TAF4B: variants seen among roughly 807,000 people sequenced by gnomAD.
The protein encoded by TAF4B is TATA-box binding protein associated factor 4b, also known as transcription initiation factor TFIID subunit 4B.
A neutral mutation model predicts 86.4 loss-of-function variants in TAF4B; 38 were observed. The ratio of observed to expected loss-of-function variants is 0.44; its 90% CI spans 0.34 to 0.58. The LOEUF (loss-of-function observed/expected upper bound fraction) is 0.58, where lower values mean the gene tolerates loss of function less well. Among genes scored for constraint, TAF4B ranks in the 20% least tolerant of loss-of-function variants. The pLI, the probability that TAF4B is intolerant of heterozygous loss-of-function variation, is 0.02. For synonymous variants in TAF4B, 388 were observed against 391.2 expected (o/e 0.99, Z 0.10); for missense variants, 988 against 1,027.6 (o/e 0.96, Z 0.53).
At chr18:26,337,573 C>G (rs868544009) in intron 13 of TAF4B, among the ~76,000 whole-genome samples, 1 of 151,948 alleles carries the variant, frequency 6.6e-6, no homozygotes, top group African/African-American at 2.4e-5. Flanking sequence ...CAGGCGCGTA[C>G]CACCGCATCC....
intron 9 of TAF4B, among the ~76,000 whole-genome samples, chr18:26,309,510 C>T (rs1370393969): frequency 6.6e-6 from 1 of 151,918 alleles, no homozygotes; most frequent in Non-Finnish European, 1.5e-5. Flanking sequence ...GTCTGAGTAA[C>T]AGATCCCATT....
intron 9 of TAF4B, chr18:26,304,978 G>A: frequency 1.3e-5 from 9 of 681,222 alleles, no homozygotes; most frequent in Non-Finnish European, 1.6e-5. Flanking sequence ...GTAATTCTTT[G>A]ATATATACAT....
chr18:26,235,078 T>A (rs545602990), intron 1 of TAF4B, among the ~76,000 whole-genome samples: 26 of 152,210 alleles, frequency 1.7e-4, no homozygotes, highest in Non-Finnish European at 1.9e-4. Flanking sequence ...CTCCAAGAGC[T>A]ATTCCCACTC....
At chr18:26,330,743 C>T (rs912877987) in intron 12 of TAF4B, among the ~76,000 whole-genome samples, 6 of 152,182 alleles carry the variant, frequency 3.9e-5, no homozygotes, top group African/African-American at 1.2e-4. Flanking sequence ...AGAGTTCCTT[C>T]TACCCTTAAT....
intron 14 of TAF4B, among the ~76,000 whole-genome samples, chr18:26,374,278 C>G (rs1157434243): frequency 6.6e-6 from 1 of 152,014 alleles, no homozygotes; most frequent in Non-Finnish European, 1.5e-5. Context: ...TTTTAAAAGG[C>G]TGTCCAGCTT....
At chr18:26,365,246 A>T (rs2057364253) in intron 14 of TAF4B, among the ~76,000 whole-genome samples, 2 of 152,068 alleles carry the variant, frequency 1.3e-5, no homozygotes, top group Non-Finnish European at 2.9e-5. Flanking sequence ...ACCTCAGGTG[A>T]TCTGCCCTCC....
intron 12 of TAF4B, among the ~76,000 whole-genome samples, chr18:26,331,299 A>G (rs1236589860): frequency 1.3e-5 from 2 of 152,214 alleles, no homozygotes; most frequent in East Asian, 1.9e-4. Flanking sequence ...ATTGAATATC[A>G]TAATGTATTA....
chr18:26,364,649 C>T (rs1295803537), intron 14 of TAF4B, among the ~76,000 whole-genome samples: 2 of 151,750 alleles, frequency 1.3e-5, no homozygotes, highest in African/African-American at 4.8e-5. Context: ...TTTTTTTTAG[C>T]ACAAAGATAA....
chr18:26,346,775 G>A (rs58108255), intron 13 of TAF4B, among the ~76,000 whole-genome samples: 1,454 of 12,972 alleles, frequency 0.11, 307 homozygotes, highest in East Asian at 0.17. Context: ...ATATATATAT[G>A]TGTGTGTATA....
At chr18:26,261,337 A>G (rs2056163991) in intron 1 of TAF4B, among the ~76,000 whole-genome samples, 1 of 150,702 alleles carries the variant, frequency 6.6e-6, no homozygotes, top group Non-Finnish European at 1.5e-5. Flanking sequence ...AGTAGCTGGG[A>G]CTACAGGCGC....
intron 9 of TAF4B, among the ~76,000 whole-genome samples, chr18:26,307,850 T>C (rs2056811318): frequency 6.6e-6 from 1 of 152,142 alleles, no homozygotes; most frequent in East Asian, 1.9e-4. Context: ...ATGCTCACGC[T>C]TGTAATCCCA....
intron 2 of TAF4B, 41 bp from the exon 3 acceptor site, chr18:26,267,475 G>C (rs778788631): frequency 1.5e-6 from 2 of 1,332,556 alleles, no homozygotes; most frequent in South Asian, 2.3e-5. Flanking sequence ...AATTACTAAC[G>C]CTAATGACTT....
intron 14 of TAF4B, among the ~76,000 whole-genome samples, chr18:26,389,288 C>T (rs960200892): frequency 6.6e-6 from 1 of 152,184 alleles, no homozygotes; most frequent in African/African-American, 2.4e-5. Flanking sequence ...GAAAAGTGCT[C>T]AGCGTGGTTC....
chr18:26,282,969 G>A (rs186574261), intron 6 of TAF4B, among the ~76,000 whole-genome samples: 95 of 152,210 alleles, frequency 6.2e-4, no homozygotes, highest in African/African-American at 2.0e-3. Context: ...GCAGCAATTC[G>A]GTCACATCTT....
intron 14 of TAF4B, among the ~76,000 whole-genome samples, chr18:26,364,929 G>T (rs1023645729): frequency 6.7e-6 from 1 of 150,052 alleles, no homozygotes; most frequent in Non-Finnish European, 1.5e-5. Context: ...CCAAAATAAA[G>T]AAATTGCAAT....
chr18:26,247,539 C>A (rs1476104741), intron 1 of TAF4B, among the ~76,000 whole-genome samples: 1 of 151,984 alleles, frequency 6.6e-6, no homozygotes, highest in African/African-American at 2.4e-5. Context: ...AAAAATATTA[C>A]CCTCCCCCCA....
At chr18:26,367,310 A>AG (rs2057378539) in intron 14 of TAF4B, among the ~76,000 whole-genome samples, 2 of 152,204 alleles carry the variant, frequency 1.3e-5, no homozygotes, top group South Asian at 4.1e-4. Context: ...CCTGAGAAAC[A>AG]GGGGAGTCAA....
rs149457016 is a variant in TAF4B, at chr18:26,290,068, C to T, written c.1591-2178C>T. 7.2e-5 allele frequency among the ~76,000 whole-genome samples: 11 copies of T among 152,250 alleles called. No individual in the cohort carries two copies. The East Asian group carries it at 1.9e-3, about 27-fold the overall frequency. On this transcript the variant is annotated intron_variant, in intron 7 of 14. Coordinates refer to ENST00000269142, the MANE Select transcript of TAF4B (RefSeq NM_005640.3). ...ATAAGACATTTAATTGGTAATGGAGCATTGCAATGGGAATACAGGTGCCAT... is the reference window on the plus strand; with the variant it reads ...ATAAGACATTTAATTGGTAATGGAGTATTGCAATGGGAATACAGGTGCCAT...
rs2055582815 is a variant in TAF4B at position 26,226,863 on chromosome 18, C to T, written c.-71C>T. On this transcript the variant is annotated 5_prime_UTR_variant, in exon 1 of 15. Coordinates refer to ENST00000269142, the MANE Select transcript of TAF4B (RefSeq NM_005640.3). ...CCCGAACCGCACCGGAGTCGGCTGC[C>T]GCGCGCCAAGCCTCCCCTCACCTCT... The T allele has an allele frequency of 8.1e-6, 10 of 1,238,610 alleles. No homozygotes were observed. Among genetic ancestry groups the T allele is most frequent in the South Asian group, 7.0e-5 (3 of 42,922 alleles). The allele number at this position is 1,238,610 out of a possible 1,614,324, so 76.7% of individuals were successfully genotyped here.
Sources: allele counts gnomAD v4.1 joint callset (sites outside exome capture counted in the v4.1 genomes callset), GRCh38; gene constraint gnomAD v4.1.1; transcripts MANE v1.5; gene names NCBI Gene and HGNC (gene_info 2026-07-23, HGNC 2026-07-21).